The following MID1 variants were observed in gnomAD, a reference collection of about 807,000 sequenced individuals.
MID1 encodes the protein E3 ubiquitin-protein ligase Midline-1.
A neutral mutation model predicts 40.4 loss-of-function variants in MID1; 7 were observed. The ratio of observed to expected loss-of-function variants is 0.17; its 90% confidence interval spans 0.10 to 0.33. The LOEUF is 0.33. Ranked by LOEUF, MID1 falls within the 10% of genes least tolerant of loss-of-function variation. MID1 has a pLI of 1.00. For missense variants in MID1, 367 were observed against 558.5 expected (o/e 0.66, Z 3.46); for synonymous variants, 229 against 221.2 (o/e 1.04, Z -0.31).
chrX:10,609,007 A>G (rs1314182913), intron 1 of MID1, among the ~76,000 whole-genome samples: 2 of 112,193 alleles, frequency 1.8e-5, no homozygotes, highest in African/African-American at 6.5e-5. Context: ...TATAATATGA[A>G]AGGTAGTGAT....
chrX:10,594,782 G>A (rs1419594071), intron 1 of MID1, among the ~76,000 whole-genome samples: 4 of 111,679 alleles, frequency 3.6e-5, no homozygotes, highest in South Asian at 3.8e-4. Flanking sequence ...ATAGAGTAGC[G>A]CACTTGTATT....
intron 1 of MID1, among the ~76,000 whole-genome samples, chrX:10,569,460 G>C (rs918211202): frequency 8.9e-6 from 1 of 112,237 alleles, no homozygotes; most frequent in Non-Finnish European, 1.9e-5. Flanking sequence ...TCCTACAGAT[G>C]GCTCAGAAGA....
Position 10,465,260 on chromosome X carries a change from C to CACAT in MID1, c.1285+4436_1285+4437insATGT, listed in dbSNP as rs1292370523. 7.5e-4 allele frequency among the ~76,000 whole-genome samples: 69 copies of CACAT among 92,392 alleles called. 1 individual carries two copies. Among genetic ancestry groups the CACAT allele is most frequent in the African/African-American group, 2.8e-3 (68 of 24,444 alleles). 80.2% of individuals were successfully genotyped at this position (92,392 alleles called of 115,157 possible). A position where few individuals can be genotyped will look rare whatever the true frequency, so the allele number is the denominator to read the frequency against. On this transcript the variant is annotated intron_variant, in intron 7 of 9. Transcript: ENST00000317552. ...ACACACACACACACACACACACACA[C>CACAT]ATACATATATGAAAGAATAAAAGAA... is the stretch of plus-strand genomic sequence containing the variant.
chrX:10,558,080 A>C (rs1934194185), intron 2 of MID1, among the ~76,000 whole-genome samples: 1 of 110,025 alleles, frequency 9.1e-6, no homozygotes, highest in Non-Finnish European at 1.9e-5. Context: ...AAAAAAAAAA[A>C]ACACTTCACT....
chrX:10,629,206 T>G (rs1936027101), intron 1 of MID1, among the ~76,000 whole-genome samples: 1 of 105,944 alleles, frequency 9.4e-6, no homozygotes, highest in Non-Finnish European at 2.0e-5. Context: ...CTTTAATGAT[T>G]TTTTTTTTTT....
intron 1 of MID1, among the ~76,000 whole-genome samples, chrX:10,605,455 C>T (rs1295038064): frequency 3.6e-5 from 4 of 111,375 alleles, no homozygotes; most frequent in Admixed American, 9.5e-5. Flanking sequence ...TGTACCATTT[C>T]CTCTAAGAAG....
At chrX:10,535,134 T>C (rs1403827170) in intron 2 of MID1, among the ~76,000 whole-genome samples, 1 of 111,839 alleles carries the variant, frequency 8.9e-6, no homozygotes, top group Non-Finnish European at 1.9e-5. Flanking sequence ...GTTCCCATTC[T>C]GGCCTACACA....
chrX:10,503,564 TG>T (rs1207377021), intron 3 of MID1, among the ~76,000 whole-genome samples: 1 of 112,758 alleles, frequency 8.9e-6, no homozygotes, highest in African/African-American at 3.2e-5. Flanking sequence ...AAATTAAAAA[TG>T]GAATCCTTTC....
At chrX:10,717,366 GAA>G (rs201576822) in intron 1 of MID1, among the ~76,000 whole-genome samples, 1,622 of 87,322 alleles carry the variant, frequency 0.019, 41 homozygotes, top group African/African-American at 0.058. Context: ...CAAGCAAATG[GAA>G]AAAAAAAAAA....
intron 1 of MID1, among the ~76,000 whole-genome samples, chrX:10,814,432 A>G (rs1464677284): frequency 1.8e-5 from 2 of 111,416 alleles, no homozygotes; most frequent in African/African-American, 6.5e-5. Flanking sequence ...TGAAATTTCA[A>G]TTGAAATAAT....
chrX:10,582,793 A>T (rs1458000151), intron 1 of MID1: 1 of 111,855 alleles, frequency 8.9e-6, no homozygotes, highest in Non-Finnish European at 1.9e-5. Context: ...TTCACTCTGA[A>T]CCTAAGCTAA....
chrX:10,639,445 G>C (rs775523208), intron 1 of MID1, among the ~76,000 whole-genome samples: 1 of 111,758 alleles, frequency 8.9e-6, no homozygotes, highest in Non-Finnish European at 1.9e-5. Flanking sequence ...GAAATGAAGC[G>C]AAAAGAGAAC....
At chrX:10,737,258 T>C (rs2043494049) in intron 1 of MID1, among the ~76,000 whole-genome samples, 1 of 112,701 alleles carries the variant, frequency 8.9e-6, no homozygotes, top group Non-Finnish European at 1.9e-5. Context: ...TTCTCAATTC[T>C]TGCAAAATTG....
intron 1 of MID1, among the ~76,000 whole-genome samples, chrX:10,735,303 T>C (rs769717760): frequency 8.3e-4 from 93 of 111,829 alleles, no homozygotes; most frequent in South Asian, 3.0e-3. Flanking sequence ...GGTTTCTCCA[T>C]GTTGGCCAGG....
chrX:10,531,061 T>G lies in MID1; in HGVS notation c.661-7874A>C, dbSNP rs141755289. Among the ~76,000 whole-genome samples, 38 of 111,949 alleles carry G rather than the reference T, an allele frequency of 3.4e-4. No homozygotes were observed. In the East Asian group the frequency reaches 0.01, roughly 30 times the overall value. Reference sequence around the variant, plus strand: ...AAGGCAAACACAGATCTGGCTTGTTTCATTCCATAATATTCAGAGTGACAT... The same window carrying G: ...AAGGCAAACACAGATCTGGCTTGTTGCATTCCATAATATTCAGAGTGACAT... On this transcript the variant is annotated intron_variant, in intron 2 of 9. Transcript: ENST00000317552.
intron 1 of MID1, among the ~76,000 whole-genome samples, chrX:10,616,928 G>A (rs1018885924): frequency 2.7e-5 from 3 of 112,493 alleles, no homozygotes; most frequent in Non-Finnish European, 5.6e-5. Flanking sequence ...CTTTCTATTA[G>A]ATTTCATAAA....
chrX:10,756,671 G>A (rs1366770106), intron 1 of MID1, among the ~76,000 whole-genome samples: 1 of 111,729 alleles, frequency 9.0e-6, no homozygotes, highest in Non-Finnish European at 1.9e-5. Flanking sequence ...GAAAGAACAT[G>A]AAAAACAATG....
intron 2 of MID1, among the ~76,000 whole-genome samples, chrX:10,566,571 C>G (rs1415247901): frequency 1.7e-4 from 18 of 106,207 alleles, no homozygotes; most frequent in South Asian, 4.4e-4. Context: ...CCCTCTCTCT[C>G]AGAGAGAGGC....
intron 7 of MID1, chrX:10,460,025 T>C (rs1237884169): frequency 2.2e-6 from 1 of 445,339 alleles, no homozygotes; most frequent in African/African-American, 2.4e-5. Flanking sequence ...CAGGCCCAAA[T>C]AACTTTGCAG....
Sources: gnomAD v4.1 joint callset for allele counts (sites outside exome capture counted in the v4.1 genomes callset) on GRCh38, gnomAD v4.1.1 for gene constraint, MANE v1.5 for transcripts, NCBI Gene and HGNC (gene_info 2026-07-23, HGNC 2026-07-21) for gene names.